INPP5A: variants seen among roughly 807,000 people sequenced by gnomAD.
INPP5A encodes the protein 43 kDa inositol polyphosphate 5-phophatase.
Under a neutral mutation model 65.2 loss-of-function variants are expected in INPP5A, and 14 were observed. The ratio of observed to expected loss-of-function variants is 0.21; its 90% CI spans 0.14 to 0.34. INPP5A has a LOEUF of 0.34. Ranked by LOEUF, INPP5A falls within the 10% of genes least tolerant of loss-of-function variation. The pLI is 1.00. For missense variants in INPP5A, 431 were observed against 545.6 expected (o/e 0.79, Z 2.09); for synonymous variants, 207 against 208.3 (o/e 0.99, Z 0.05).
At chr10:132,558,480 C>T (rs892871000) in intron 1 of INPP5A, among the ~76,000 whole-genome samples, 4 of 152,206 alleles carry the variant, frequency 2.6e-5, no homozygotes, top group Admixed American at 1.3e-4. Context: ...CAGTAGAGAC[C>T]GGAGTCTCCA....
chr10:132,590,633 A>G (rs2071608296), intron 1 of INPP5A, among the ~76,000 whole-genome samples: 1 of 152,152 alleles, frequency 6.6e-6, no homozygotes, highest in Non-Finnish European at 1.5e-5. Flanking sequence ...GTCTAGAATC[A>G]CCGCACCCCG....
At chr10:132,747,854 A>G (rs1846399452) in intron 9 of INPP5A, among the ~76,000 whole-genome samples, 1 of 152,200 alleles carries the variant, frequency 6.6e-6, no homozygotes, top group African/African-American at 2.4e-5. Context: ...TTCACGGCCA[A>G]CCTGGGCAAC....
At chr10:132,617,427 C>G (rs1179673078) in intron 2 of INPP5A, among the ~76,000 whole-genome samples, 3 of 152,212 alleles carry the variant, frequency 2.0e-5, no homozygotes, top group Non-Finnish European at 4.4e-5. Flanking sequence ...TGGGCATGCT[C>G]ACACTCACAC....
chr10:132,544,751 C>CA (rs1159739154), intron 1 of INPP5A, among the ~76,000 whole-genome samples: 20 of 152,280 alleles, frequency 1.3e-4, no homozygotes, highest in Non-Finnish European at 2.5e-4. Flanking sequence ...CCTCTCCCTC[C>CA]GGCCCTGGCA....
intron 9 of INPP5A, among the ~76,000 whole-genome samples, chr10:132,738,926 C>T (rs963535931): frequency 7.9e-5 from 12 of 152,328 alleles, no homozygotes; most frequent in Admixed American, 2.6e-4. Context: ...CAGGGCCTCA[C>T]GGTGGGCACT....
intron 3 of INPP5A, among the ~76,000 whole-genome samples, chr10:132,647,495 A>G (rs2072513386): frequency 6.6e-6 from 1 of 152,222 alleles, no homozygotes; most frequent in East Asian, 1.9e-4. Context: ...ATTGCCATAT[A>G]AGAGCAAAGG....
At chr10:132,748,678 A>G (rs566388203) in intron 9 of INPP5A, among the ~76,000 whole-genome samples, 53 of 152,372 alleles carry the variant, frequency 3.5e-4, no homozygotes, top group Non-Finnish European at 2.4e-4. Context: ...TCCGCCAGCC[A>G]GGACCGTGCC....
At chr10:132,596,910 TG>T (rs1564928896) in intron 1 of INPP5A, among the ~76,000 whole-genome samples, 1 of 54,992 alleles carries the variant, frequency 1.8e-5, no homozygotes, top group East Asian at 1.3e-3. Flanking sequence ...CCTGTGCATG[TG>T]TGCATGTGTG....
chr10:132,761,678 A>C (rs1318980182), intron 11 of INPP5A, among the ~76,000 whole-genome samples: 1 of 152,198 alleles, frequency 6.6e-6, no homozygotes, highest in Non-Finnish European at 1.5e-5. Context: ...AGTGCGGTGC[A>C]GGGACCCAGT....
intron 6 of INPP5A, among the ~76,000 whole-genome samples, chr10:132,701,390 A>C (rs1845434993): frequency 6.6e-6 from 1 of 152,194 alleles, no homozygotes; most frequent in Non-Finnish European, 1.5e-5. Flanking sequence ...AGGGCTCCCC[A>C]AGTGAGGGCT....
chr10:132,733,835 A>G (rs772663245), intron 9 of INPP5A, among the ~76,000 whole-genome samples: 7 of 152,158 alleles, frequency 4.6e-5, no homozygotes, highest in African/African-American at 1.7e-4. Context: ...AACAAGCTTG[A>G]TCTCCACTTG....
Position 132,613,702 on chromosome 10 carries a change from A to G in INPP5A, c.117+5746A>G, listed in dbSNP as rs191136613. Among the ~76,000 whole-genome samples, 7 of 152,302 alleles carry G rather than the reference A, an allele frequency of 4.6e-5. No individual in the cohort carries two copies. The East Asian group carries it at 1.4e-3, about 29-fold the overall frequency. ...GCCTGACTTTGTTTCTTAGGCTATC[A>G]GCCAGTTCAGCGGCTGCACTGAGGG... is the stretch of plus-strand genomic sequence containing the variant. On this transcript the variant is annotated intron_variant, in intron 2 of 15. Transcript: ENST00000368594.
intron 4 of INPP5A, among the ~76,000 whole-genome samples, chr10:132,655,673 G>A (rs957509079): frequency 6.6e-6 from 1 of 152,186 alleles, no homozygotes; most frequent in African/African-American, 2.4e-5. Flanking sequence ...GCCCTGCAGT[G>A]GGAGGGGTGG....
Position 132,592,927 on chromosome 10 carries a change from G to T in INPP5A, c.76-14988G>T, listed in dbSNP as rs577944248. Among the ~76,000 whole-genome samples, 51 of 152,178 alleles carry T rather than the reference G, an allele frequency of 3.4e-4. 2 individuals are homozygous for T. The South Asian group carries it at 9.6e-3, about 29-fold the overall frequency. On this transcript the variant is annotated intron_variant, in intron 1 of 15. Transcript: ENST00000368594. The stretch of plus-strand genomic sequence containing the variant: ...TCACGCGGCTGCAGTCAGGTTGCCT[G>T]TTCTCAGTGGGCTGTGTTCTCATCT...
intron 1 of INPP5A, among the ~76,000 whole-genome samples, chr10:132,577,269 CT>C (rs2071421933): frequency 6.6e-6 from 1 of 152,202 alleles, no homozygotes; most frequent in Non-Finnish European, 1.5e-5. Flanking sequence ...GTTGCAGTGT[CT>C]GCTCCTGAGC....
intron 9 of INPP5A, among the ~76,000 whole-genome samples, chr10:132,744,696 T>G (rs529012667): frequency 3.3e-5 from 5 of 152,212 alleles, no homozygotes; most frequent in Non-Finnish European, 5.9e-5. Context: ...TATTTAACTG[T>G]GAACGCCCTT....
intron 8 of INPP5A, among the ~76,000 whole-genome samples, chr10:132,717,259 C>T (rs941454608): frequency 6.6e-6 from 1 of 152,224 alleles, no homozygotes; most frequent in Non-Finnish European, 1.5e-5. Context: ...TCCCCCACCC[C>T]CGTGACCTCA....
chr10:132,662,167 C>T (rs552206126), intron 4 of INPP5A, among the ~76,000 whole-genome samples: 4 of 152,278 alleles, frequency 2.6e-5, no homozygotes, highest in Middle Eastern at 3.4e-3. Context: ...GTGGCAAGCG[C>T]TGGGGAGGCG....
At chr10:132,781,431 G>T (rs1847159555) in intron 14 of INPP5A, among the ~76,000 whole-genome samples, 1 of 152,212 alleles carries the variant, frequency 6.6e-6, no homozygotes, top group South Asian at 2.1e-4. Flanking sequence ...GCCAATAAAT[G>T]AGTTAGCTTC....
Sources: allele counts gnomAD v4.1 joint callset (sites outside exome capture counted in the v4.1 genomes callset), GRCh38; gene constraint gnomAD v4.1.1; transcripts MANE v1.5; gene names NCBI Gene and HGNC (gene_info 2026-07-23, HGNC 2026-07-21).